NAV1: variants seen among roughly 807,000 people sequenced by gnomAD.
NAV1 encodes pore membrane and/or filament interacting like protein 3.
Under a neutral mutation model 175.2 loss-of-function variants are expected in NAV1, and 18 were observed. The ratio of observed to expected loss-of-function variants is 0.10; its 90% CI spans 0.07 to 0.15. The LOEUF is 0.15. NAV1 is among the 10% of genes least tolerant of loss of function. NAV1 has a pLI of 1.00. For synonymous variants in NAV1, 897 were observed against 978.7 expected (o/e 0.92, Z 1.56); for missense variants, 1,731 against 2,436.6 (o/e 0.71, Z 6.10).
chr1:201,567,601 T>G (rs1333679393), intron 1 of NAV1, among the ~76,000 whole-genome samples: 1 of 152,148 alleles, frequency 6.6e-6, no homozygotes. Context: ...TAGACAATAT[T>G]GATGTGCCCA....
At chr1:201,783,298 C>T in intron 6 of NAV1, 108 bp from the exon 11 acceptor site, 1 of 1,142,694 alleles carries the variant, frequency 8.8e-7, no homozygotes, top group Non-Finnish European at 1.3e-6. Flanking sequence ...AGCCTCTGTG[C>T]TTAGCAAATA....
chr1:201,683,096 A>G (rs1670529824), intron 1 of NAV1, among the ~76,000 whole-genome samples: 1 of 152,228 alleles, frequency 6.6e-6, no homozygotes, highest in African/African-American at 2.4e-5. Context: ...ACTCTCAGTC[A>G]TCAGATTTCC....
intron 15 of NAV1, chr1:201,795,093 C>T (rs893040515): frequency 6.5e-6 from 1 of 153,814 alleles, no homozygotes; most frequent in Non-Finnish European, 1.4e-5. Context: ...TCTGTGATCT[C>T]TAACTCCAGT....
At chr1:201,824,136 AC>A (rs1679541984) in exon 30 of NAV1, 1 of 152,166 alleles carries the variant, frequency 6.6e-6, no homozygotes, top group African/African-American at 2.4e-5. Context: ...TGCTGAAGTG[AC>A]CCAGATCACC....
At chr1:201,575,393 A>C (rs1349234713) in intron 1 of NAV1, among the ~76,000 whole-genome samples, 1 of 152,142 alleles carries the variant, frequency 6.6e-6, no homozygotes, top group African/African-American at 2.4e-5. Flanking sequence ...CCTGTGCATG[A>C]GGGAATTTAT....
At chr1:201,706,007 G>A (rs1373856463) in intron 1 of NAV1, among the ~76,000 whole-genome samples, 1 of 152,152 alleles carries the variant, frequency 6.6e-6, no homozygotes, top group East Asian at 1.9e-4. Context: ...AGACCAAGGA[G>A]TGCACTGAGG....
At chr1:201,659,264 C>G (rs867042594) in intron 1 of NAV1, among the ~76,000 whole-genome samples, 2 of 152,150 alleles carry the variant, frequency 1.3e-5, no homozygotes, top group Non-Finnish European at 2.9e-5. Context: ...ATCCAAGAAG[C>G]CTTCCTGAAG....
chr1:201,758,501 T>C (rs1674647871), intron 3 of NAV1, among the ~76,000 whole-genome samples: 1 of 152,224 alleles, frequency 6.6e-6, no homozygotes, highest in African/African-American at 2.4e-5. Context: ...TGTTTTGGTT[T>C]GCAGGCTTTT....
chr1:201,540,343 T>A (rs1665476507), intron 1 of NAV1, among the ~76,000 whole-genome samples: 1 of 152,228 alleles, frequency 6.6e-6, no homozygotes, highest in African/African-American at 2.4e-5. Flanking sequence ...TCTGGCTTCC[T>A]GTTTCAATGA....
intron 3 of NAV1, among the ~76,000 whole-genome samples, chr1:201,749,143 G>A (rs998750202): frequency 4.6e-5 from 7 of 151,856 alleles, no homozygotes; most frequent in East Asian, 1.9e-4. Context: ...GTGAGACTCC[G>A]TTTCAAAAAA....
intron 1 of NAV1, among the ~76,000 whole-genome samples, chr1:201,562,827 G>A (rs1041022172): frequency 2.0e-5 from 3 of 152,140 alleles, no homozygotes; most frequent in Non-Finnish European, 2.9e-5. Flanking sequence ...CCTGCCTACA[G>A]AGCCTGTCAG....
chr1:201,575,278 C>T (rs1360553617), intron 1 of NAV1, among the ~76,000 whole-genome samples: 2 of 152,140 alleles, frequency 1.3e-5, no homozygotes, highest in Non-Finnish European at 2.9e-5. Context: ...GGTGGACCCC[C>T]CAACCTGGTC....
At chr1:201,768,381 T>G (rs1675347634) in intron 3 of NAV1, among the ~76,000 whole-genome samples, 2 of 149,722 alleles carry the variant, frequency 1.3e-5, no homozygotes, top group African/African-American at 2.5e-5. Flanking sequence ...CTCATGCCTG[T>G]AATCCTAGCA....
chr1:201,551,456 G>A lies in NAV1; in HGVS notation c.-144+12114G>A, dbSNP rs142104477. Among the ~76,000 whole-genome samples, 50 of 152,106 alleles carry A rather than the reference G, an allele frequency of 3.3e-4. 1 individual carries two copies. In the East Asian group the frequency reaches 8.7e-3, roughly 27 times the overall value. On this transcript the variant is annotated intron_variant, in intron 1 of 33. Transcript: ENST00000685211. ...GTTGCCCAGGCTGGTCTGGAACTCC[G>A]AGGCTCAAGTGATCTTCCCATCTCG...
rs181184088 is a variant in NAV1 at position 201,735,104 on chromosome 1, T to C, written c.1226+16349T>C. Among the ~76,000 whole-genome samples the C allele has an allele frequency of 1.2e-3, 184 of 152,196 alleles. 2 individuals are homozygous for C. Among genetic ancestry groups the C allele is most frequent in the Non-Finnish European group, 2.6e-4 (18 of 68,008 alleles). ...GGATTAGGGCTGAGCTCTGGAACAC[T>C]CCACTGTGCATCTGCTGACCCCCAG... is the stretch of plus-strand genomic sequence containing the variant. On this transcript the variant is annotated intron_variant, in intron 3 of 29. Coordinates refer to ENST00000367296, the Ensembl canonical transcript of NAV1.
chr1:201,687,314 C>T (rs1405691420), intron 1 of NAV1, among the ~76,000 whole-genome samples: 1 of 152,188 alleles, frequency 6.6e-6, no homozygotes, highest in Non-Finnish European at 1.5e-5. Flanking sequence ...TATTACCACT[C>T]AACCAAGGAT....
chr1:201,648,604 GC>G, exon 1 of NAV1: 1 of 783,940 alleles, frequency 1.3e-6, no homozygotes, highest in Non-Finnish European at 1.7e-6. Flanking sequence ...CTGCGCTCCC[GC>G]CCCCTGCCCC....
intron 2 of NAV1, among the ~76,000 whole-genome samples, chr1:201,595,405 C>T (rs1229521138): frequency 6.6e-6 from 1 of 152,266 alleles, no homozygotes; most frequent in Non-Finnish European, 1.5e-5. Flanking sequence ...GCCAGATCTT[C>T]AGAGGCTCCA....
intron 1 of NAV1, among the ~76,000 whole-genome samples, chr1:201,625,708 C>T (rs1191979833): frequency 1.3e-5 from 2 of 152,218 alleles, no homozygotes; most frequent in Admixed American, 1.3e-4. Flanking sequence ...TGACTTTCTT[C>T]TCCTACCTGA....
Sources: allele counts gnomAD v4.1 joint callset (sites outside exome capture counted in the v4.1 genomes callset), GRCh38; gene constraint gnomAD v4.1.1; transcripts MANE v1.5; gene names NCBI Gene and HGNC (gene_info 2026-07-23, HGNC 2026-07-21).